Variants in FNDC3A observed in about 807,000 individuals in gnomAD.
The protein encoded by FNDC3A is fibronectin type-III domain-containing protein 3A.
In FNDC3A, 32 loss-of-function variants were observed where a neutral mutation model predicts 148.9. The observed-to-expected ratio is 0.21, with a 90% CI of 0.16 to 0.29. The LOEUF is 0.29. Among genes scored for constraint, FNDC3A ranks in the 10% least tolerant of loss-of-function variants. The pLI is 1.00. For synonymous variants in FNDC3A, 472 were observed against 473.6 expected (o/e 1.00, Z 0.04); for missense variants, 1,191 against 1,452.8 (o/e 0.82, Z 2.93).
At chr13:49,105,743 T>C (rs527715320) in intron 3 of FNDC3A, among the ~76,000 whole-genome samples, 22 of 152,362 alleles carry the variant, frequency 1.4e-4, no homozygotes, top group African/African-American at 5.0e-4. Flanking sequence ...TGGTGTTATA[T>C]GTAAGCATTT....
chr13:49,158,261 T>G (rs557157398), intron 8 of FNDC3A, among the ~76,000 whole-genome samples: 35 of 152,288 alleles, frequency 2.3e-4, no homozygotes, highest in African/African-American at 8.4e-4. Context: ...AGCGCAATAT[T>G]CGGGAGGGAG....
intron 3 of FNDC3A, among the ~76,000 whole-genome samples, chr13:49,082,441 C>T (rs774768021): frequency 3.9e-5 from 6 of 152,016 alleles, no homozygotes; most frequent in East Asian, 1.9e-4. Context: ...TAAAGTTCTA[C>T]GTTTTGATTT....
intron 2 of FNDC3A, among the ~76,000 whole-genome samples, chr13:49,015,036 G>A (rs1196529396): frequency 3.9e-5 from 6 of 152,218 alleles, no homozygotes; most frequent in Non-Finnish European, 8.8e-5. Context: ...GTAGCGTGAT[G>A]CCTCCAGCTT....
intron 2 of FNDC3A, among the ~76,000 whole-genome samples, chr13:49,071,332 A>G (rs991825624): frequency 2.0e-5 from 3 of 152,106 alleles, no homozygotes; most frequent in African/African-American, 7.2e-5. Flanking sequence ...GTGCTGCAAT[A>G]AACATGGGAA....
chr13:49,043,580 C>A (rs907647410), intron 2 of FNDC3A, among the ~76,000 whole-genome samples: 2 of 151,986 alleles, frequency 1.3e-5, no homozygotes, highest in African/African-American at 4.8e-5. Context: ...AACATGCTGT[C>A]ATGATAGTGT....
Position 49,136,435 on chromosome 13 carries a change from A to T in FNDC3A, c.594A>T (p.Lys198Asn), listed in dbSNP as rs994532565. The change falls in exon 6 of 26, where the codon AAA (lysine) becomes AAT (asparagine). Residue 198 changes from lysine (K) to asparagine (N), a missense_variant. By Grantham distance (94) the Lys-to-Asn change is moderately conservative. Coordinates refer to ENST00000492622, the MANE Select transcript of FNDC3A (RefSeq NM_001079673.2). ...TGAAGGATCGCCAAGGAACACAGAA[A>T]GATAAAATGAGCAGTCCACCATCAT... ...KKLKDRQGTQ[K>N]DKMSSPPSSP... is the part of the protein sequence containing the mutation. 3.7e-6 allele frequency: 6 copies of T among 1,614,164 alleles called. No individual in the cohort carries two copies. Among genetic ancestry groups the T allele is most frequent in the Non-Finnish European group, 5.1e-6 (6 of 1,180,014 alleles).
At chr13:49,178,395 G>C (rs971009796) in intron 13 of FNDC3A, among the ~76,000 whole-genome samples, 173 bp from the exon 14 acceptor site, 1 of 152,122 alleles carries the variant, frequency 6.6e-6, no homozygotes, top group East Asian at 1.9e-4. Flanking sequence ...AAGCATTTCC[G>C]GGTCTACCCA....
chr13:49,033,245 G>T (rs961182631), intron 2 of FNDC3A, among the ~76,000 whole-genome samples: 2 of 152,126 alleles, frequency 1.3e-5, no homozygotes, highest in African/African-American at 4.8e-5. Context: ...ACTGATACTG[G>T]ATTATCTAGA....
chr13:49,032,029 G>A (rs1874156006), intron 2 of FNDC3A, among the ~76,000 whole-genome samples: 1 of 152,172 alleles, frequency 6.6e-6, no homozygotes, highest in Non-Finnish European at 1.5e-5. Flanking sequence ...TGTACTATAA[G>A]CATATGAAAG....
At position 49,131,196 on chromosome 13, in the gene FNDC3A, C is replaced by T; in HGVS notation, c.312C>T (p.His104=). The change falls in exon 5 of 26, where the codon CAC becomes CAT. Residue 104 remains histidine (H), a synonymous_variant. Coordinates refer to ENST00000492622, the MANE Select transcript of FNDC3A (RefSeq NM_001079673.2). ...TGGTCCCTCAGGCACCAGAGTTTCA[C>T]CCTGGTAGTCACACAGTTCTCCACC... ...VVVVPQAPEF[H]PGSHTVLHRS... 17 of 1,614,142 alleles carry T rather than the reference C, an allele frequency of 1.1e-5. No homozygotes were observed. The highest frequency in any genetic ancestry group is 1.4e-5 in the Non-Finnish European group (17 of 1,180,018).
At chr13:49,096,734 C>T (rs4409983) in intron 3 of FNDC3A, among the ~76,000 whole-genome samples, 1 of 151,988 alleles carries the variant, frequency 6.6e-6, no homozygotes, top group East Asian at 1.9e-4. Flanking sequence ...GCCTCACAGC[C>T]TAGTACAACA....
At chr13:49,065,007 C>G (rs1239436100) in intron 2 of FNDC3A, among the ~76,000 whole-genome samples, 1 of 152,134 alleles carries the variant, frequency 6.6e-6, no homozygotes, top group Non-Finnish European at 1.5e-5. Flanking sequence ...CTTTTCAATT[C>G]CTGATTCAGT....
chr13:49,046,372 T>G (rs1875407789), intron 2 of FNDC3A: 1 of 186,012 alleles, frequency 5.4e-6, no homozygotes. Flanking sequence ...AAAACTGGAT[T>G]AATCAATCCA....
At chr13:49,202,125 C>G (rs940015043) in intron 24 of FNDC3A, among the ~76,000 whole-genome samples, 159 bp downstream of exon 24, 1 of 152,174 alleles carries the variant, frequency 6.6e-6, no homozygotes, top group African/African-American at 2.4e-5. Context: ...GAGAGTTCCA[C>G]TCAATAATAA....
chr13:49,202,346 G>T (rs997251952), intron 24 of FNDC3A, among the ~76,000 whole-genome samples: 6 of 152,116 alleles, frequency 3.9e-5, no homozygotes, highest in Admixed American at 6.5e-5. Context: ...AGGAAAGCTT[G>T]GTCATCTGTT....
chr13:49,003,740 C>A (rs534909424), intron 1 of FNDC3A, among the ~76,000 whole-genome samples: 1 of 151,970 alleles, frequency 6.6e-6, no homozygotes, highest in Admixed American at 6.6e-5. Flanking sequence ...TAATTTGACA[C>A]TAATTAAAAT....
intron 9 of FNDC3A, 28 bp downstream of exon 9, chr13:49,167,331 T>C (rs1247321085): frequency 2.2e-6 from 3 of 1,391,872 alleles, no homozygotes; most frequent in Non-Finnish European, 3.0e-6. Context: ...ATTGCCTTTA[T>C]AAGATACAGC....
At chr13:49,145,585 T>TTTGTGGAACCCATCTCATTTG (rs1173484747) in intron 7 of FNDC3A, among the ~76,000 whole-genome samples, 193 bp from the exon 8 acceptor site, 5 of 152,180 alleles carry the variant, frequency 3.3e-5, no homozygotes, top group African/African-American at 7.2e-5. Flanking sequence ...TTTTTAAACT[T>TTTGTGGAACCCATCTCATTTG]TTGTGGAACC....
At chr13:49,084,799 G>A (rs1276506266) in intron 3 of FNDC3A, among the ~76,000 whole-genome samples, 1 of 152,054 alleles carries the variant, frequency 6.6e-6, no homozygotes, top group Admixed American at 6.6e-5. Flanking sequence ...GCTCAGAACA[G>A]CTTCTCAGGA....
Sources: gnomAD v4.1 joint callset for allele counts (sites outside exome capture counted in the v4.1 genomes callset) on GRCh38, gnomAD v4.1.1 for gene constraint, MANE v1.5 for transcripts, NCBI Gene and HGNC (gene_info 2026-07-23, HGNC 2026-07-21) for gene names.